CPLX1: variants seen among roughly 807,000 people sequenced by gnomAD.
CPLX1 encodes the protein complexin-1.
Under a neutral mutation model 15.6 loss-of-function variants are expected in CPLX1, and 6 were observed. The observed-to-expected ratio is 0.39, with a 90% CI of 0.21 to 0.76. The LOEUF (loss-of-function observed/expected upper bound fraction) is 0.76, where lower values mean the gene tolerates loss of function less well. Among genes scored for constraint, CPLX1 ranks in the 30% least tolerant of loss-of-function variants. The pLI is 0.43. For missense variants in CPLX1, 242 were observed against 188.6 expected (o/e 1.28, Z -1.66); for synonymous variants, 91 against 75.2 (o/e 1.21, Z -1.08).
chr4:793,160 C>T (rs1746236051), intron 2 of CPLX1, among the ~76,000 whole-genome samples: 1 of 152,178 alleles, frequency 6.6e-6, no homozygotes, highest in South Asian at 2.1e-4. Flanking sequence ...CAGCAGAGGC[C>T]TGGCCTCCTG....
chr4:807,288 C>T (rs1303167594), intron 2 of CPLX1, among the ~76,000 whole-genome samples: 1 of 152,120 alleles, frequency 6.6e-6, no homozygotes, highest in Non-Finnish European at 1.5e-5. Flanking sequence ...AACACATGGA[C>T]ACAGGGAGGG....
intron 2 of CPLX1, among the ~76,000 whole-genome samples, chr4:819,597 C>T (rs1160228146): frequency 6.6e-6 from 1 of 152,240 alleles, no homozygotes; most frequent in African/African-American, 2.4e-5. Flanking sequence ...CATTGCCTAG[C>T]GGTTCTGCAC....
intron 2 of CPLX1, among the ~76,000 whole-genome samples, chr4:820,908 G>A (rs371439722): frequency 4.2e-4 from 64 of 152,244 alleles, no homozygotes; most frequent in South Asian, 3.1e-3. Context: ...CCACGGGGGC[G>A]CGGAGGGGCT....
chr4:800,432 C>T (rs993993743), intron 2 of CPLX1, among the ~76,000 whole-genome samples: 6 of 151,264 alleles, frequency 4.0e-5, no homozygotes, highest in African/African-American at 1.2e-4. Context: ...GTCAGGAGTT[C>T]GAGACCAGCC....
intron 2 of CPLX1, among the ~76,000 whole-genome samples, chr4:802,076 C>T (rs1164907426): frequency 6.6e-6 from 1 of 152,232 alleles, no homozygotes; most frequent in Admixed American, 6.5e-5. Flanking sequence ...GAAACAAACA[C>T]TTAAGTTCAC....
intron 2 of CPLX1, among the ~76,000 whole-genome samples, chr4:800,477 A>AT (rs992110571): frequency 6.1e-5 from 9 of 146,876 alleles, no homozygotes; most frequent in Admixed American, 1.4e-4. Context: ...TCTACTAAAA[A>AT]ATATATATAT....
intron 2 of CPLX1, among the ~76,000 whole-genome samples, chr4:807,620 A>C (rs1282829071): frequency 1.3e-5 from 2 of 151,938 alleles, no homozygotes; most frequent in African/African-American, 4.8e-5. Flanking sequence ...GATTACGGGC[A>C]GGTGCCACCA....
At chr4:787,235 G>A (rs1746025059) in intron 3 of CPLX1, 2 of 985,374 alleles carry the variant, frequency 2.0e-6, no homozygotes, top group Non-Finnish European at 1.2e-6. Flanking sequence ...TGGGCAGCCG[G>A]CAGAGGGTCC....
At chr4:824,703 C>T in intron 1 of CPLX1, 102 bp from the exon 2 acceptor site, 1 of 728,952 alleles carries the variant, frequency 1.4e-6, no homozygotes, top group South Asian at 1.5e-5. Context: ...TGGGCTGGAC[C>T]CTCCCCCACC....
chr4:806,917 C>T (rs1373296039), intron 2 of CPLX1, among the ~76,000 whole-genome samples: 3 of 152,284 alleles, frequency 2.0e-5, no homozygotes, highest in South Asian at 2.1e-4. Context: ...AAGACTGTGG[C>T]GATTCCTCAG....
intron 2 of CPLX1, among the ~76,000 whole-genome samples, chr4:816,509 C>A (rs1746759037): frequency 6.6e-6 from 1 of 152,066 alleles, no homozygotes; most frequent in African/African-American, 2.4e-5. Context: ...TAAGCCACTG[C>A]GCCCGGCCAA....
At chr4:788,159 C>G (rs1294636047) in intron 3 of CPLX1, 7 of 985,200 alleles carry the variant, frequency 7.1e-6, no homozygotes, top group Non-Finnish European at 8.4e-6. Context: ...CTGCTCCTGT[C>G]TCAGCAGCCC....
intron 3 of CPLX1, 120 bp downstream of exon 3, chr4:792,313 G>T (rs1746202084): frequency 2.1e-6 from 2 of 957,550 alleles, no homozygotes; most frequent in Non-Finnish European, 3.0e-6. Flanking sequence ...CCCCCAAAGG[G>T]TAGGAGGCCC....
intron 2 of CPLX1, among the ~76,000 whole-genome samples, chr4:814,709 G>A (rs188924610): frequency 6.6e-6 from 1 of 152,386 alleles, no homozygotes; most frequent in East Asian, 1.9e-4. Context: ...AGGAGTCCGG[G>A]AGGAACACAA....
chr4:814,790 G>A (rs934513820), intron 2 of CPLX1, among the ~76,000 whole-genome samples: 1 of 152,230 alleles, frequency 6.6e-6, no homozygotes, highest in African/African-American at 2.4e-5. Context: ...ACAAACCACC[G>A]GGCATCTGCC....
At chr4:787,845 C>G (rs1055259213) in intron 3 of CPLX1, 1 of 985,328 alleles carries the variant, frequency 1.0e-6, no homozygotes, top group African/African-American at 1.7e-5. Flanking sequence ...AACTACGGAA[C>G]AGCCTCCTGC....
chr4:786,353 A>C lies in CPLX1; in HGVS notation c.*148T>G. ...GGGGGCGCGCGCCCCTTGCCGGGTG[A>C]GGGAGGCGGCGGGCGCGGGCAGGGC... On this transcript the variant is annotated 3_prime_UTR_variant, in exon 4 of 4. Transcript: ENST00000304062. The C allele has an allele frequency of 2.5e-6, 2 of 797,696 alleles. No individual in the cohort carries two copies. Among genetic ancestry groups the C allele is most frequent in the South Asian group, 5.1e-5 (2 of 38,964 alleles). The allele number at this position is 797,696 out of a possible 1,614,324, so 49.4% of individuals were successfully genotyped here.
intron 2 of CPLX1, among the ~76,000 whole-genome samples, chr4:811,430 G>A (rs1273894188): frequency 1.3e-5 from 2 of 152,148 alleles, no homozygotes; most frequent in South Asian, 2.1e-4. Context: ...ACAGACATGA[G>A]CCACTGCACC....
chr4:825,195 A>G (rs981716337), intron 1 of CPLX1, among the ~76,000 whole-genome samples: 1 of 144,488 alleles, frequency 6.9e-6, no homozygotes, highest in Non-Finnish European at 1.5e-5. Context: ...GGGACAGAGC[A>G]CCCCCGCCCC....
Sources: gnomAD v4.1 joint callset for allele counts (sites outside exome capture counted in the v4.1 genomes callset) on GRCh38, gnomAD v4.1.1 for gene constraint, MANE v1.5 for transcripts, NCBI Gene and HGNC (gene_info 2026-07-23, HGNC 2026-07-21) for gene names.